CDH12: variants seen among roughly 807,000 people sequenced by gnomAD.
CDH12 encodes cadherin-12.
Under a neutral mutation model 74.1 loss-of-function variants are expected in CDH12, and 41 were observed. The ratio of observed to expected loss-of-function variants is 0.55; its 90% CI spans 0.43 to 0.72. The LOEUF (loss-of-function observed/expected upper bound fraction) is 0.72. Among genes scored for constraint, CDH12 ranks in the 30% least tolerant of loss-of-function variants. The probability of loss-of-function intolerance (pLI) is 0.00; values close to 1 mark genes in which losing one functional copy is unlikely to be tolerated. For synonymous variants in CDH12, 399 were observed against 355.0 expected (o/e 1.12, Z -1.39); for missense variants, 945 against 977.2 (o/e 0.97, Z 0.44).
chr5:22,070,242 A>G (rs1741855190), intron 5 of CDH12, among the ~76,000 whole-genome samples: 1 of 152,138 alleles, frequency 6.6e-6, no homozygotes, highest in Non-Finnish European at 1.5e-5. Context: ...TTCTTTTCTG[A>G]GAAAAAAGGT....
chr5:22,221,876 T>G (rs965145518), intron 3 of CDH12, among the ~76,000 whole-genome samples: 2 of 152,124 alleles, frequency 1.3e-5, no homozygotes, highest in Middle Eastern at 3.4e-3. Flanking sequence ...CTCCTTGATC[T>G]GCCTGTAAAG....
Position 22,311,868 on chromosome 5 carries a change from C to T in CDH12, c.-333+93389G>A, listed in dbSNP as rs115148774. 1.6e-3 allele frequency among the ~76,000 whole-genome samples: 238 copies of T among 152,068 alleles called. 2 individuals carry two copies. Among genetic ancestry groups the T allele is most frequent in the African/African-American group, 5.3e-3 (220 of 41,464 alleles). ...CTGCTCTAAGCTATTTTTCTCTTCT[C>T]GCAAGGCAGATTCTACATACATTTA... On this transcript the variant is annotated intron_variant, in intron 3 of 14. Transcript: ENST00000382254.
chr5:22,490,647 T>TA (rs998146734), intron 2 of CDH12, among the ~76,000 whole-genome samples: 59 of 151,670 alleles, frequency 3.9e-4, no homozygotes, highest in African/African-American at 1.0e-3. Flanking sequence ...TTTAATCAGT[T>TA]AAAAAAAAAC....
At chr5:22,553,435 A>C (rs940690795) in intron 1 of CDH12, among the ~76,000 whole-genome samples, 23 of 152,146 alleles carry the variant, frequency 1.5e-4, no homozygotes, top group Non-Finnish European at 3.1e-4. Flanking sequence ...TTCTTTTCTG[A>C]CTTATGACCA....
At chr5:22,331,901 C>A (rs1025298103) in intron 3 of CDH12, among the ~76,000 whole-genome samples, 1 of 122,146 alleles carries the variant, frequency 8.2e-6, no homozygotes, top group African/African-American at 3.4e-5. Flanking sequence ...ATTTTAACAG[C>A]AGAACTGATC....
At chr5:22,075,742 C>A (rs1382838879) in intron 5 of CDH12, among the ~76,000 whole-genome samples, 1 of 152,022 alleles carries the variant, frequency 6.6e-6, no homozygotes, top group African/African-American at 2.4e-5. Flanking sequence ...CTTGGATTTT[C>A]AACTGTGCTG....
At chr5:22,496,460 A>T (rs1421354591) in intron 2 of CDH12, among the ~76,000 whole-genome samples, 1 of 152,208 alleles carries the variant, frequency 6.6e-6, no homozygotes, top group Non-Finnish European at 1.5e-5. Flanking sequence ...TGTATGACAA[A>T]TTGTTTTTGT....
intron 3 of CDH12, among the ~76,000 whole-genome samples, chr5:22,395,156 T>C (rs1004681513): frequency 1.3e-5 from 2 of 152,148 alleles, no homozygotes; most frequent in Admixed American, 1.3e-4. Context: ...CTAAATCCAA[T>C]AGCAAATGTC....
intron 1 of CDH12, among the ~76,000 whole-genome samples, chr5:22,614,300 T>A (rs1274475648): frequency 3.9e-5 from 6 of 152,122 alleles, no homozygotes; most frequent in Non-Finnish European, 7.4e-5. Context: ...ACATACATTA[T>A]TCAGATGCAC....
intron 1 of CDH12, among the ~76,000 whole-genome samples, chr5:22,653,861 T>C (rs745372766): frequency 4.6e-5 from 7 of 152,202 alleles, no homozygotes; most frequent in Non-Finnish European, 7.3e-5. Flanking sequence ...CATTCAGATA[T>C]TGCTTTTTCT....
At chr5:22,320,920 A>C (rs1738849500) in intron 3 of CDH12, among the ~76,000 whole-genome samples, 2 of 152,200 alleles carry the variant, frequency 1.3e-5, no homozygotes, top group Admixed American at 1.3e-4. Flanking sequence ...GAATAATAAC[A>C]ATGCAGTGTA....
At chr5:22,483,726 C>G (rs1190539317) in intron 2 of CDH12, among the ~76,000 whole-genome samples, 3 of 38,230 alleles carry the variant, frequency 7.8e-5, no homozygotes, top group African/African-American at 3.3e-4. Context: ...GGCAACATAG[C>G]AAGGACCTGT....
At chr5:22,026,332 C>T (rs577838185) in intron 5 of CDH12, among the ~76,000 whole-genome samples, 208 of 152,266 alleles carry the variant, frequency 1.4e-3, no homozygotes, top group Non-Finnish European at 2.7e-3. Context: ...GCTTTAGGTA[C>T]AGATGAGAAT....
Position 22,244,633 on chromosome 5 carries a change from A to G in CDH12, c.-332-31990T>C, listed in dbSNP as rs1372394960. On this transcript the variant is annotated intron_variant, in intron 3 of 14. Transcript: ENST00000382254. ...AAGGAAGGAGGGAGGGAAGGAAGGG[A>G]GGGAGGGAGGGGAGAGAGAAAGAGA... Among the ~76,000 whole-genome samples the G allele has an allele frequency of 3.3e-5, 4 of 120,308 alleles. No individual in the cohort carries two copies. The East Asian group carries it at 1.1e-3, about 34-fold the overall frequency. 78.9% of individuals were successfully genotyped at this position (120,308 alleles called of 152,430 possible).
chr5:22,117,775 T>C (rs1745261880), intron 4 of CDH12, among the ~76,000 whole-genome samples: 1 of 150,768 alleles, frequency 6.6e-6, no homozygotes, highest in Admixed American at 6.7e-5. Flanking sequence ...TATATGGGTG[T>C]ATCTGTAATA....
chr5:22,523,844 A>G (rs2126689894), intron 1 of CDH12, among the ~76,000 whole-genome samples: 1 of 152,202 alleles, frequency 6.6e-6, no homozygotes, highest in Admixed American at 6.5e-5. Context: ...TTCATTTTCA[A>G]GACTCTAGGT....
At chr5:22,639,161 A>C (rs1580841279) in intron 1 of CDH12, among the ~76,000 whole-genome samples, 1 of 147,484 alleles carries the variant, frequency 6.8e-6, no homozygotes, top group Non-Finnish European at 1.5e-5. Flanking sequence ...GAAGAGGATT[A>C]GTGGAAAGGA....
chr5:22,325,744 T>C (rs1739063190), intron 3 of CDH12, among the ~76,000 whole-genome samples: 1 of 151,922 alleles, frequency 6.6e-6, no homozygotes, highest in South Asian at 2.1e-4. Flanking sequence ...AAAAATCTAC[T>C]AAAAATACAA....
chr5:22,826,468 A>AT (rs1237444921), intron 1 of CDH12, among the ~76,000 whole-genome samples: 1 of 152,184 alleles, frequency 6.6e-6, no homozygotes, highest in African/African-American at 2.4e-5. Context: ...GTACACAAAA[A>AT]TGTGGAAGCG....
Sources: gnomAD v4.1 joint callset for allele counts (sites outside exome capture counted in the v4.1 genomes callset) on GRCh38, gnomAD v4.1.1 for gene constraint, MANE v1.5 for transcripts, NCBI Gene and HGNC (gene_info 2026-07-23, HGNC 2026-07-21) for gene names.